Variants in CSMD3 observed in about 807,000 individuals in gnomAD.
CSMD3 encodes the protein CUB and Sushi multiple domains 3, also known as CUB and sushi domain-containing protein 3.
A neutral mutation model predicts 435.2 loss-of-function variants in CSMD3; 177 were observed. The observed-to-expected ratio is 0.41, with a 90% CI of 0.36 to 0.46. CSMD3 has a LOEUF of 0.46. Ranked by LOEUF, CSMD3 falls within the 20% of genes least tolerant of loss-of-function variation. The pLI is 0.34. For synonymous variants in CSMD3, 1,656 were observed against 1,520.5 expected (o/e 1.09, Z -2.07); for missense variants, 4,265 against 4,504.6 (o/e 0.95, Z 1.52).
intron 38 of CSMD3, among the ~76,000 whole-genome samples, chr8:112,361,999 G>A (rs962215981): frequency 2.6e-5 from 4 of 151,748 alleles, no homozygotes; most frequent in Non-Finnish European, 5.9e-5. Flanking sequence ...GTTTTAAAAA[G>A]ATATACCAAA....
At chr8:112,348,260 G>T (rs1037999436) in intron 40 of CSMD3, among the ~76,000 whole-genome samples, 5 of 152,114 alleles carry the variant, frequency 3.3e-5, no homozygotes, top group African/African-American at 1.2e-4. Flanking sequence ...ACTCTTTTGT[G>T]TCCCATTACA....
chr8:112,300,503 T>C (rs1820815036), intron 53 of CSMD3, among the ~76,000 whole-genome samples: 1 of 152,012 alleles, frequency 6.6e-6, no homozygotes, highest in South Asian at 2.1e-4. Flanking sequence ...TCAATAATCA[T>C]TGAAGTGGCC....
At chr8:113,148,065 C>T (rs2091720326) in intron 4 of CSMD3, among the ~76,000 whole-genome samples, 3 of 151,680 alleles carry the variant, frequency 2.0e-5, no homozygotes, top group Non-Finnish European at 2.9e-5. Context: ...TTACCCATTG[C>T]TCTTAGGATA....
At chr8:112,619,954 A>T (rs963012739) in intron 22 of CSMD3, among the ~76,000 whole-genome samples, 8 of 31,082 alleles carry the variant, frequency 2.6e-4, no homozygotes, top group African/African-American at 1.1e-3. Context: ...AACAAACAAC[A>T]AAAAAAGTTC....
intron 13 of CSMD3, among the ~76,000 whole-genome samples, chr8:112,755,204 A>G (rs1303252096): frequency 3.3e-5 from 5 of 151,710 alleles, no homozygotes; most frequent in Non-Finnish European, 7.4e-5. Flanking sequence ...GGTGGCGGGC[A>G]CCTGCAGTCC....
At chr8:113,203,678 C>T (rs1250538837) in intron 3 of CSMD3, among the ~76,000 whole-genome samples, 1 of 152,064 alleles carries the variant, frequency 6.6e-6, no homozygotes, top group African/African-American at 2.4e-5. Context: ...CTTTCTACTT[C>T]CTCAGTCCAG....
intron 65 of CSMD3, 152 bp from the exon 66 acceptor site, chr8:112,241,937 G>T (rs781394764): frequency 1.4e-6 from 1 of 697,030 alleles, no homozygotes; most frequent in Non-Finnish European, 2.6e-6. Context: ...AAAATGTTCC[G>T]TTCATCACAA....
At chr8:112,540,094 A>G (rs1586637904) in intron 27 of CSMD3, among the ~76,000 whole-genome samples, 1 of 152,114 alleles carries the variant, frequency 6.6e-6, no homozygotes, top group East Asian at 1.9e-4. Context: ...AAAGAAACCC[A>G]CAAATAATCC....
At chr8:112,593,415 G>T (rs564684311) in intron 22 of CSMD3, among the ~76,000 whole-genome samples, 28 of 152,312 alleles carry the variant, frequency 1.8e-4, no homozygotes, top group Non-Finnish European at 1.2e-4. Flanking sequence ...CAAGTTCGAT[G>T]TGGGGGCATG....
At chr8:113,343,142 T>C (rs1426636350) in intron 1 of CSMD3, among the ~76,000 whole-genome samples, 3 of 151,554 alleles carry the variant, frequency 2.0e-5, no homozygotes, top group African/African-American at 7.3e-5. Flanking sequence ...TAACTCAAGA[T>C]GGCTCTGATA....
At chr8:112,410,058 C>G (rs1300158028) in intron 32 of CSMD3, among the ~76,000 whole-genome samples, 1 of 151,814 alleles carries the variant, frequency 6.6e-6, no homozygotes, top group Non-Finnish European at 1.5e-5. Flanking sequence ...TTGTATACCT[C>G]AAATGAAGGC....
intron 1 of CSMD3, among the ~76,000 whole-genome samples, chr8:113,355,724 A>T (rs1294879629): frequency 1.6e-5 from 1 of 63,180 alleles, no homozygotes; most frequent in Non-Finnish European, 2.9e-5. Flanking sequence ...TTTTATTTTT[A>T]TATATATATA....
At chr8:112,737,735 C>T (rs978249333) in intron 13 of CSMD3, among the ~76,000 whole-genome samples, 1 of 151,782 alleles carries the variant, frequency 6.6e-6, no homozygotes, top group Non-Finnish European at 1.5e-5. Flanking sequence ...ATCTGGACAA[C>T]ATAACAGCTG....
intron 13 of CSMD3, among the ~76,000 whole-genome samples, chr8:112,766,286 G>C (rs2132171585): frequency 1.3e-5 from 2 of 151,390 alleles, no homozygotes; most frequent in Middle Eastern, 6.8e-3. Flanking sequence ...AAGAAGAAGA[G>C]ATATTCTTGG....
At chr8:112,490,027 G>T (rs1213461027) in intron 31 of CSMD3, among the ~76,000 whole-genome samples, 1 of 152,040 alleles carries the variant, frequency 6.6e-6, no homozygotes, top group African/African-American at 2.4e-5. Flanking sequence ...AAGTATACTA[G>T]TTAACCAAAA....
In CSMD3 at chr8:112,536,243, A is replaced by G. The variant is rs1008979478; in HGVS notation, c.4564+14428T>C. ...CATCAGAGTGAACAGGCAACCTACA[A>G]AATGGGAGAAAATTTTCGCAACCTA... is the stretch of plus-strand genomic sequence containing the variant. On this transcript the variant is annotated intron_variant, in intron 27 of 70. Coordinates refer to ENST00000297405, the MANE Select transcript of CSMD3 (RefSeq NM_198123.2). 3.4e-5 allele frequency among the ~76,000 whole-genome samples: 5 copies of G among 148,962 alleles called. No homozygotes were observed. In the East Asian group the frequency reaches 7.8e-4, roughly 23 times the overall value.
intron 45 of CSMD3, among the ~76,000 whole-genome samples, chr8:112,324,015 T>C (rs1219550203): frequency 3.9e-5 from 6 of 152,134 alleles, no homozygotes; most frequent in Non-Finnish European, 1.5e-5. Flanking sequence ...CCCCGATTTA[T>C]AGATAAATAA....
In CSMD3 at chr8:113,258,465, C is replaced by T. The variant is rs555917703; in HGVS notation, c.514+20127G>A. The stretch of plus-strand genomic sequence containing the variant: ...CTACATTCTCCAGCAACCAATGTAA[C>T]CAAGTTTCATGTGGCTATAATCTGG... On this transcript the variant is annotated intron_variant, in intron 3 of 70. Coordinates refer to ENST00000297405, the MANE Select transcript of CSMD3 (RefSeq NM_198123.2). Among the ~76,000 whole-genome samples the T allele has an allele frequency of 3.9e-5, 6 of 152,222 alleles. No homozygotes were observed. The South Asian group carries it at 1.2e-3, about 32-fold the overall frequency.
At chr8:113,318,263 AT>A (rs2093924486) in intron 1 of CSMD3, among the ~76,000 whole-genome samples, 1 of 152,134 alleles carries the variant, frequency 6.6e-6, no homozygotes, top group African/African-American at 2.4e-5. Flanking sequence ...AACATTAGAT[AT>A]TTTTGAAAGG....
Sources: gnomAD v4.1 joint callset for allele counts (sites outside exome capture counted in the v4.1 genomes callset) on GRCh38, gnomAD v4.1.1 for gene constraint, MANE v1.5 for transcripts, NCBI Gene and HGNC (gene_info 2026-07-23, HGNC 2026-07-21) for gene names.